FOXP2: variants seen among roughly 807,000 people sequenced by gnomAD.
FOXP2 encodes the protein forkhead box protein P2.
In FOXP2, 12 loss-of-function variants were observed where a neutral mutation model predicts 115.8. The observed-to-expected ratio is 0.10, with a 90% confidence interval of 0.07 to 0.17. The LOEUF (loss-of-function observed/expected upper bound fraction) is 0.17. FOXP2 is among the 10% of genes least tolerant of loss of function. The probability of loss-of-function intolerance (pLI) is 1.00; values close to 1 mark genes in which losing one functional copy is unlikely to be tolerated. For missense variants in FOXP2, 629 were observed against 843.5 expected, an observed-to-expected ratio of 0.75 and a Z score of 3.15; for synonymous variants, 328 against 297.7, an observed-to-expected ratio of 1.10 and a Z score of -1.05.
At chr7:114,176,667 GTTT>G (rs35612669) in intron 1 of FOXP2, among the ~76,000 whole-genome samples, 7 of 113,712 alleles carry the variant, frequency 6.2e-5, no homozygotes, top group African/African-American at 9.5e-5. Context: ...TTCTTAGGTT[GTTT>G]TTTTTTTTTT....
Position 114,303,585 on chromosome 7 carries a change from A to G in FOXP2, c.-11+15476A>G, listed in dbSNP as rs539240798. ...TTTTTAAACCTTTGTTTCCTAGTTA[A>G]TCTCTTTTAGAACCAGAGTTTTACT... On this transcript the variant is annotated intron_variant, in intron 2 of 17. Coordinates refer to the FOXP2 transcript ENST00000634411. Among the ~76,000 whole-genome samples, 5 of 152,054 alleles carry G rather than the reference A, an allele frequency of 3.3e-5. No homozygotes were observed. The East Asian group carries it at 9.7e-4, about 29-fold the overall frequency.
intron 2 of FOXP2, among the ~76,000 whole-genome samples, chr7:114,353,831 C>G (rs923011483): frequency 1.3e-5 from 2 of 152,096 alleles, no homozygotes; most frequent in Admixed American, 6.6e-5. Flanking sequence ...CACCATCACA[C>G]CTGGTGGTTT....
chr7:114,550,071 G>A (rs183921654), intron 3 of FOXP2, among the ~76,000 whole-genome samples: 84 of 151,630 alleles, frequency 5.5e-4, no homozygotes, highest in African/African-American at 1.8e-3. Flanking sequence ...ATGAGGAGAG[G>A]GAAATATGTT....
chr7:114,159,853 G>A (rs1792783273), upstream of FOXP2, among the ~76,000 whole-genome samples: 1 of 152,202 alleles, frequency 6.6e-6, no homozygotes, highest in Admixed American at 6.6e-5. Context: ...GGAGCCCTCA[G>A]CATGAAGATC....
At position 114,348,989 on chromosome 7, in the gene FOXP2, G is replaced by C. The variant is rs184143542; in HGVS notation, c.-11+60880G>C. On this transcript the variant is annotated intron_variant, in intron 2 of 17. Transcript: ENST00000634411. ...GTGGTAATATAAGGACATAAATATA[G>C]TTCAAAGCTAGACTTTTAAGATTCT... Among the ~76,000 whole-genome samples, 468 of 152,108 alleles carry C rather than the reference G, an allele frequency of 3.1e-3. 6 individuals are homozygous for C. Among genetic ancestry groups the C allele is most frequent in the Non-Finnish European group, 4.5e-3 (305 of 67,980 alleles).
intron 2 of FOXP2, among the ~76,000 whole-genome samples, chr7:114,511,427 A>G (rs1354975933): frequency 1.3e-5 from 2 of 152,202 alleles, no homozygotes; most frequent in Admixed American, 6.5e-5. Flanking sequence ...TGCTGCTGCA[A>G]TGAAAAAAGA....
chr7:114,227,372 AAAGACTCCAAACACCC>A (rs1332934705), intron 1 of FOXP2, among the ~76,000 whole-genome samples: 1 of 152,038 alleles, frequency 6.6e-6, no homozygotes, highest in Non-Finnish European at 1.5e-5. Context: ...TGCTTGGAGC[AAAGACTCCAAACACCC>A]AAGCAGCATT....
chr7:114,514,680 AATTTATTT>A (rs755550241), intron 2 of FOXP2, among the ~76,000 whole-genome samples: 2 of 150,558 alleles, frequency 1.3e-5, no homozygotes, highest in African/African-American at 4.9e-5. Context: ...TTTTACATTC[AATTTATTT>A]ATTTATTTAT....
intron 2 of FOXP2, among the ~76,000 whole-genome samples, chr7:114,348,570 G>A (rs1360178912): frequency 2.6e-5 from 4 of 151,724 alleles, no homozygotes. Flanking sequence ...TGTACCAGCT[G>A]TTTCTGGTTC....
At chr7:114,452,205 G>A (rs796805299) in intron 2 of FOXP2, among the ~76,000 whole-genome samples, 3 of 151,810 alleles carry the variant, frequency 2.0e-5, no homozygotes, top group South Asian at 4.1e-4. Flanking sequence ...TTCCTTAAAT[G>A]CGATATTAAC....
chr7:114,627,666 C>T (rs1563044013), intron 3 of FOXP2, among the ~76,000 whole-genome samples: 1 of 151,756 alleles, frequency 6.6e-6, no homozygotes, highest in African/African-American at 2.4e-5. Flanking sequence ...TCTTTTTCTC[C>T]TTCCCTATCT....
intron 2 of FOXP2, among the ~76,000 whole-genome samples, chr7:114,520,481 G>A (rs758895156): frequency 2.6e-5 from 4 of 151,944 alleles, no homozygotes; most frequent in Admixed American, 6.6e-5. Flanking sequence ...TTGCCTCTTT[G>A]TCTACATTTT....
intron 2 of FOXP2, among the ~76,000 whole-genome samples, chr7:114,349,981 A>T (rs965750020): frequency 7.2e-5 from 11 of 152,258 alleles, no homozygotes; most frequent in Admixed American, 7.2e-4. Flanking sequence ...AGAATTCTGA[A>T]CTAATACAAA....
chr7:114,344,715 C>G (rs1394181582), intron 2 of FOXP2, among the ~76,000 whole-genome samples: 1 of 151,684 alleles, frequency 6.6e-6, no homozygotes, highest in African/African-American at 2.4e-5. Context: ...AAATATAGGC[C>G]TTCCAAATTT....
Position 114,120,662 on chromosome 7 carries a change from ATATATGTATGTGTGTGTGTGTGTGTGTG to A in FOXP2, c.-247+32852_-247+32879del, listed in dbSNP as rs923158139. ...GGCTGATCACTCTTCTAAGCACTTC[ATATATGTATGTGTGTGTGTGTGTGTGTG>A]TATATGTATGTGTGTGTGTGTGTGT... On this transcript the variant is annotated intron_variant, in intron 1 of 19. Coordinates refer to the FOXP2 transcript ENST00000635638. Among the ~76,000 whole-genome samples the A allele has an allele frequency of 2.7e-4, 40 of 146,728 alleles. No homozygotes were observed. The East Asian group carries it at 5.2e-3, about 19-fold the overall frequency.
intron 1 of FOXP2, among the ~76,000 whole-genome samples, chr7:114,136,389 AT>A (rs1352866448): frequency 6.6e-6 from 1 of 152,000 alleles, no homozygotes; most frequent in East Asian, 1.9e-4. Context: ...TTGGCTTTTG[AT>A]TAATTTGATT....
At chr7:114,374,043 A>G (rs1792079538) in intron 2 of FOXP2, among the ~76,000 whole-genome samples, 1 of 152,198 alleles carries the variant, frequency 6.6e-6, no homozygotes. Flanking sequence ...GGCAACGATT[A>G]TATTAGTGAT....
intron 2 of FOXP2, among the ~76,000 whole-genome samples, chr7:114,502,798 G>A (rs1303269111): frequency 6.6e-6 from 1 of 152,040 alleles, no homozygotes; most frequent in East Asian, 1.9e-4. Context: ...GAGCTATGCA[G>A]TTCTGTTTAC....
intron 16 of FOXP2, among the ~76,000 whole-genome samples, chr7:114,675,537 GA>G (rs1370830171): frequency 1.3e-5 from 2 of 152,140 alleles, no homozygotes; most frequent in African/African-American, 2.4e-5. Flanking sequence ...TGGCAAATTG[GA>G]ACTAATTTGA....
Sources: gnomAD v4.1 joint callset for allele counts (sites outside exome capture counted in the v4.1 genomes callset) on GRCh38, gnomAD v4.1.1 for gene constraint, MANE v1.5 for transcripts, NCBI Gene and HGNC (gene_info 2026-07-23, HGNC 2026-07-21) for gene names.